IFT88: variants seen among roughly 807,000 people sequenced by gnomAD.
IFT88 encodes the protein intraflagellar transport protein 88 homolog.
A neutral mutation model predicts 119.5 loss-of-function variants in IFT88; 74 were observed. That is an observed-to-expected ratio of 0.62 (90% CI 0.51 to 0.75). IFT88 has a LOEUF of 0.75. IFT88 is among the 30% of genes least tolerant of loss of function. The pLI, the probability that IFT88 is intolerant of heterozygous loss-of-function variation, is 0.00. For synonymous variants in IFT88, 279 were observed against 316.7 expected (o/e 0.88, Z 1.26); for missense variants, 961 against 977.7 (o/e 0.98, Z 0.23).
chr13:20,632,285 T>C (rs1177641816), intron 16 of IFT88: 1 of 152,152 alleles, frequency 6.6e-6, no homozygotes, highest in African/African-American at 2.4e-5. Flanking sequence ...TTAGAGGAAA[T>C]GATCCGAGAT....
At chr13:20,637,123 C>G (rs745607484) in intron 16 of IFT88, among the ~76,000 whole-genome samples, 1 of 152,068 alleles carries the variant, frequency 6.6e-6, no homozygotes, top group South Asian at 2.1e-4. Flanking sequence ...TTAGTGGTTG[C>G]CAGGGGCTGG....
rs1298017717 is a variant in IFT88 at position 20,607,623 on chromosome 13, GT to G, written c.1112+2525del. On this transcript the variant is annotated intron_variant, in intron 13 of 25. Coordinates refer to ENST00000351808, the MANE Select transcript of IFT88 (RefSeq NM_006531.5). ...GCTCAACATCTTGGGCTGCCACGCTGTTTTTTTATGATCCCCACCTGGGTTC... is the reference window on the plus strand; with the variant it reads ...GCTCAACATCTTGGGCTGCCACGCTGTTTTTTATGATCCCCACCTGGGTTC... The G allele has an allele frequency of 2.4e-5, 20 of 826,734 alleles. 1 individual carries two copies. The highest frequency in any genetic ancestry group is 1.7e-4 in the East Asian group (7 of 40,896). The allele number at this position is 826,734 out of a possible 1,614,324, so 51.2% of individuals were successfully genotyped here.
intron 1 of IFT88, among the ~76,000 whole-genome samples, chr13:20,569,939 AG>A (rs1454989249): frequency 1.3e-5 from 2 of 151,656 alleles, no homozygotes; most frequent in African/African-American, 4.8e-5. Flanking sequence ...CAGCTACTCG[AG>A]AGGCTGAGGC....
intron 15 of IFT88, among the ~76,000 whole-genome samples, chr13:20,627,441 G>GCCTC (rs1391258145): frequency 5.3e-4 from 80 of 152,122 alleles, no homozygotes; most frequent in African/African-American, 1.8e-3. Context: ...TTTAGAAAGG[G>GCCTC]TTAAGAGGCC....
intron 12 of IFT88, among the ~76,000 whole-genome samples, chr13:20,604,078 TA>T (rs1181175237): frequency 2.0e-5 from 3 of 151,316 alleles, no homozygotes; most frequent in Non-Finnish European, 4.4e-5. Flanking sequence ...AAATAACAAA[TA>T]AAAAAAATAT....
At chr13:20,589,132 T>A (rs1490095607) in intron 3 of IFT88, among the ~76,000 whole-genome samples, 2 of 152,204 alleles carry the variant, frequency 1.3e-5, no homozygotes, top group Non-Finnish European at 2.9e-5. Context: ...TCTTGTTGGG[T>A]CTCTAATGTA....
intron 24 of IFT88, among the ~76,000 whole-genome samples, chr13:20,672,854 C>CTTTGGAA (rs565006973): frequency 4.9e-4 from 71 of 146,086 alleles, no homozygotes; most frequent in African/African-American, 1.7e-3. Flanking sequence ...TTTCAGAGCT[C>CTTTGGAA]TTTGGAATTT....
At chr13:20,616,644 C>T (rs926239790) in intron 14 of IFT88, among the ~76,000 whole-genome samples, 5 of 152,194 alleles carry the variant, frequency 3.3e-5, no homozygotes, top group African/African-American at 7.2e-5. Context: ...ACATAATTCT[C>T]AGAACATATC....
intron 24 of IFT88, among the ~76,000 whole-genome samples, chr13:20,671,807 A>G (rs1443512316): frequency 6.6e-6 from 1 of 151,980 alleles, no homozygotes; most frequent in African/African-American, 2.4e-5. Flanking sequence ...CATACTCAGC[A>G]CTCTCATGCA....
intron 20 of IFT88, among the ~76,000 whole-genome samples, chr13:20,648,094 C>A (rs181527285): frequency 1.3e-5 from 2 of 152,220 alleles, no homozygotes; most frequent in Non-Finnish European, 1.5e-5. Flanking sequence ...CACAAACTGT[C>A]AACCAAGGAT....
rs550244216 is a variant in IFT88 at position 20,622,337 on chromosome 13, A to G, written c.1200-3413A>G. On this transcript the variant is annotated intron_variant, in intron 14 of 25. Coordinates refer to ENST00000351808, the MANE Select transcript of IFT88 (RefSeq NM_006531.5). ...TGAACATACAGTTTCCCCTCTTTGG[A>G]TAAATACCAAGGAGCGTGATTATTG... Among the ~76,000 whole-genome samples the G allele has an allele frequency of 2.4e-3, 372 of 152,286 alleles. 1 individual carries two copies. The highest frequency in any genetic ancestry group is 3.8e-3 in the Non-Finnish European group (261 of 68,024).
chr13:20,631,368 G>T, intron 16 of IFT88: 1 of 342,394 alleles, frequency 2.9e-6, no homozygotes, highest in Non-Finnish European at 5.5e-6. Context: ...ACATACAGCT[G>T]GAAGAGCTAG....
chr13:20,604,700 G>A (rs2043132356), intron 12 of IFT88, among the ~76,000 whole-genome samples: 1 of 152,216 alleles, frequency 6.6e-6, no homozygotes, highest in South Asian at 2.1e-4. Flanking sequence ...TATGCCTATA[G>A]TCCCAATACT....
Position 20,691,372 on chromosome 13 carries a change from G to C in IFT88, c.*197G>C, listed in dbSNP as rs2058448277. Reference sequence around the variant, plus strand: ...AAAAACAGGTAAAACTAATACTTTAGGCCAGTGACTTCCTTAGCTTTTTGA... The same window carrying C: ...AAAAACAGGTAAAACTAATACTTTACGCCAGTGACTTCCTTAGCTTTTTGA... On this transcript the variant is annotated 3_prime_UTR_variant, in exon 26 of 26. Transcript: ENST00000351808. 2 of 438,612 alleles carry C rather than the reference G, an allele frequency of 4.6e-6. No individual in the cohort carries two copies. The allele number at this position is 438,612 out of a possible 1,614,324, so 27.2% of individuals were successfully genotyped here. A position where few individuals can be genotyped will look rare whatever the true frequency, so the allele number is the denominator to read the frequency against.
intron 21 of IFT88, among the ~76,000 whole-genome samples, chr13:20,654,721 C>A (rs2052437514): frequency 6.6e-6 from 1 of 152,154 alleles, no homozygotes; most frequent in Non-Finnish European, 1.5e-5. Context: ...GTGTATTCCT[C>A]AAATCATTTT....
rs974890357 is a variant in IFT88, at chr13:20,597,003, A to G, written c.490-12A>G. The G allele has an allele frequency of 6.6e-7, 1 of 1,514,772 alleles. No individual in the cohort carries two copies. The highest frequency in any genetic ancestry group is 9.1e-7 in the Non-Finnish European group (1 of 1,104,632). The allele number at this position is 1,514,772 out of a possible 1,614,324, so 93.8% of individuals were successfully genotyped here. A position where few individuals can be genotyped will look rare whatever the true frequency, so the allele number is the denominator to read the frequency against. On this transcript the variant is annotated splice_polypyrimidine_tract_variant and intron_variant, in intron 8 of 25. Transcript: ENST00000351808. The stretch of plus-strand genomic sequence containing the variant: ...ACTCAAAGGAAGTTACAAGGTATAA[A>G]TCTGATTTCAGGCCTTAGAAAAGGC...
intron 7 of IFT88, among the ~76,000 whole-genome samples, chr13:20,595,075 A>G (rs1050161010): frequency 6.6e-6 from 1 of 152,176 alleles, no homozygotes; most frequent in African/African-American, 2.4e-5. Context: ...TAATAGAGCC[A>G]GGATTTTTAA....
intron 24 of IFT88, among the ~76,000 whole-genome samples, chr13:20,685,218 T>TGTTTATGGCTAGAGCA (rs2057771021): frequency 1.3e-5 from 2 of 152,216 alleles, no homozygotes; most frequent in Non-Finnish European, 2.9e-5. Flanking sequence ...CTCCTGCTAT[T>TGTTTATGGCTAGAGCA]GTTTATGGCT....
chr13:20,638,587 T>C, intron 17 of IFT88, 69 bp downstream of exon 17: 1 of 1,162,894 alleles, frequency 8.6e-7, no homozygotes, highest in Non-Finnish European at 1.1e-6. Context: ...TGTTTTGTTT[T>C]GCTTAAAGAG....
Sources: gnomAD v4.1 joint callset for allele counts (sites outside exome capture counted in the v4.1 genomes callset) on GRCh38, gnomAD v4.1.1 for gene constraint, MANE v1.5 for transcripts, NCBI Gene and HGNC (gene_info 2026-07-23, HGNC 2026-07-21) for gene names.